ZNF85: variants seen among roughly 807,000 people sequenced by gnomAD.
ZNF85 encodes zinc finger protein 85 (HPF4, HTF1).
A neutral mutation model predicts 53.9 loss-of-function variants in ZNF85; 50 were observed. The ratio of observed to expected loss-of-function variants is 0.93; its 90% confidence interval spans 0.74 to 1.17. The LOEUF is 1.17. ZNF85 is among the 50% of genes most tolerant of loss of function. The probability of loss-of-function intolerance (pLI) is 0.00; values close to 1 mark genes in which losing one functional copy is unlikely to be tolerated. For missense variants in ZNF85, 747 were observed against 688.5 expected, an observed-to-expected ratio of 1.08 and a Z score of -0.95; for synonymous variants, 225 against 226.1, an observed-to-expected ratio of 1.00 and a Z score of 0.04.
intron 3 of ZNF85, chr19:20,942,806 T>G (rs1269066842): frequency 1.4e-6 from 1 of 699,802 alleles, no homozygotes. Context: ...CGCAGAATCT[T>G]ACTCTGTCAC....
rs1231073842 is a variant in ZNF85, at chr19:20,950,495, TTAGG to T, written c.*196_*199del. The T allele has an allele frequency of 1.5e-5, 7 of 458,958 alleles. No individual in the cohort carries two copies. In the Admixed American group the frequency reaches 1.5e-4, roughly 10 times the overall value. 28.4% of individuals were successfully genotyped at this position (458,958 alleles called of 1,614,324 possible). A position where few individuals can be genotyped will look rare whatever the true frequency, so the allele number is the denominator to read the frequency against. On this transcript the variant is annotated 3_prime_UTR_variant, in exon 4 of 4. Coordinates refer to ENST00000328178, the MANE Select transcript of ZNF85 (RefSeq NM_003429.5). Reference sequence around the variant, plus strand: ...AAAGTCTTTAAATGGTTGTCACACTTTAGGTAAGATAATTCATATTGGAACAAAC... The same window carrying T: ...AAAGTCTTTAAATGGTTGTCACACTTTAAGATAATTCATATTGGAACAAAC...
chr19:20,950,175 C>CT lies in ZNF85; in HGVS notation c.1662dup (p.Lys555Ter), dbSNP rs749583828. On this transcript the variant is annotated frameshift_variant, in exon 4 of 4. Transcript: ENST00000328178. LOFTEE classifies it high-confidence loss of function. The stretch of plus-strand genomic sequence containing the variant: ...GCCTTTAACCAGTCCTCAAACCTTA[C>CT]TAAACATAAGAGAATTCATACTGGA... The CT allele has an allele frequency of 1.9e-6, 3 of 1,613,238 alleles. No homozygotes were observed. The Admixed American group carries it at 5.0e-5, about 27-fold the overall frequency.
chr19:20,946,427 T>C (rs899808457), intron 3 of ZNF85: 16 of 342,434 alleles, frequency 4.7e-5, no homozygotes, highest in African/African-American at 1.1e-4. Flanking sequence ...ACCTGTTGCC[T>C]TCTAATATTC....
intron 3 of ZNF85, among the ~76,000 whole-genome samples, chr19:20,938,177 A>G (rs754687732): frequency 7.9e-5 from 12 of 152,094 alleles, no homozygotes; most frequent in Non-Finnish European, 1.6e-4. Flanking sequence ...TTAAGTGATT[A>G]TCGTGCCTCA....
In ZNF85 at chr19:20,949,354, T is replaced by C; in HGVS notation, c.840T>C (p.His280=). The C allele has an allele frequency of 6.2e-7, 1 of 1,609,506 alleles. No homozygotes were observed. Among genetic ancestry groups the C allele is most frequent in the Non-Finnish European group, 8.5e-7 (1 of 1,177,030 alleles). The change falls in exon 4 of 4, where the codon CAT becomes CAC. Residue 280 remains histidine (H), a synonymous_variant. Coordinates refer to ENST00000328178, the MANE Select transcript of ZNF85 (RefSeq NM_003429.5). ...CTCTTACTACCCATAAGATAATTCATACTGGAGAGAAACCCTACAAATGTA... is the reference window on the plus strand; with the variant it reads ...CTCTTACTACCCATAAGATAATTCACACTGGAGAGAAACCCTACAAATGTA... The part of the protein sequence containing the change: ...FSTLTTHKII[H]TGEKPYKCKE...
At chr19:20,938,954 C>G (rs12052100) in intron 3 of ZNF85, among the ~76,000 whole-genome samples, 1,809 of 151,938 alleles carry the variant, frequency 0.012, 34 homozygotes, top group African/African-American at 0.035. Flanking sequence ...GATTGCAGCA[C>G]TTTCATTTTG....
chr19:20,944,818 A>T (rs1220940726), intron 3 of ZNF85, among the ~76,000 whole-genome samples: 3 of 152,054 alleles, frequency 2.0e-5, no homozygotes, highest in Non-Finnish European at 2.9e-5. Flanking sequence ...ATTGTGTATG[A>T]AAATATTTAA....
intron 1 of ZNF85, among the ~76,000 whole-genome samples, chr19:20,932,807 T>A (rs1973055041): frequency 1.3e-5 from 2 of 152,092 alleles, no homozygotes; most frequent in Admixed American, 1.3e-4. Context: ...TAAAACTGAT[T>A]TTTTAATGTT....
chr19:20,944,442 TG>T (rs1358452964), intron 3 of ZNF85: 2 of 149,218 alleles, frequency 1.3e-5, no homozygotes, highest in Non-Finnish European at 3.0e-5. Flanking sequence ...ATTTTTATCT[TG>T]TTTTTGAAGT....
Position 20,948,942 on chromosome 19 carries a change from G to A in ZNF85, c.428G>A (p.Ser143Asn), listed in dbSNP as rs748571734. The change falls in exon 4 of 4, where the codon AGC becomes AAC. Residue 143 changes from serine to asparagine, a missense_variant. Transcript: ENST00000328178. ...AACCAATGTCTCACAGCTACCCAGA[G>A]CAAAATATTTCAATGTGATAAATAT... ...GLNQCLTATQSKIFQCDKYVK... is the reference protein window; with the variant it reads ...GLNQCLTATQNKIFQCDKYVK... 3.1e-6 allele frequency: 5 copies of A among 1,613,630 alleles called. No homozygotes were observed. The South Asian group carries it at 3.3e-5, about 11-fold the overall frequency.
intron 3 of ZNF85, among the ~76,000 whole-genome samples, chr19:20,940,359 A>T (rs758432860): frequency 2.6e-5 from 4 of 151,722 alleles, no homozygotes; most frequent in Non-Finnish European, 5.9e-5. Context: ...ACATATGGAG[A>T]CTCCTTCTCT....
At chr19:20,946,313 A>G (rs1246095008) in intron 3 of ZNF85, 1 of 418,612 alleles carries the variant, frequency 2.4e-6, no homozygotes, top group Non-Finnish European at 4.7e-6. Flanking sequence ...GTCTATCAAA[A>G]AGAATGTCGT....
chr19:20,934,521 G>A (rs1484025783), intron 2 of ZNF85, among the ~76,000 whole-genome samples: 1 of 152,132 alleles, frequency 6.6e-6, no homozygotes, highest in Non-Finnish European at 1.5e-5. Flanking sequence ...TGTAATCCCA[G>A]CACTTCGGGA....
intron 1 of ZNF85, among the ~76,000 whole-genome samples, chr19:20,933,192 C>CA (rs10532648): frequency 0.019 from 2,094 of 108,610 alleles, 48 homozygotes; most frequent in African/African-American, 0.06. Context: ...GACTCCGTCT[C>CA]AAAAAAAAAA....
intron 3 of ZNF85, chr19:20,944,232 C>T (rs1973369215): frequency 6.6e-6 from 1 of 151,130 alleles, no homozygotes; most frequent in Non-Finnish European, 1.5e-5. Flanking sequence ...TTTAGCCTTT[C>T]TTTTTTATTT....
At chr19:20,937,293 G>T in intron 3 of ZNF85, 1 of 455,384 alleles carries the variant, frequency 2.2e-6, no homozygotes, top group Non-Finnish European at 4.4e-6. Flanking sequence ...GCCTCCCAAA[G>T]TGCTTGGATT....
intron 1 of ZNF85, among the ~76,000 whole-genome samples, chr19:20,931,991 A>T (rs1313707624): frequency 6.6e-6 from 1 of 152,150 alleles, no homozygotes; most frequent in African/African-American, 2.4e-5. Flanking sequence ...AGTGAAACAT[A>T]TTTTGATACC....
intron 1 of ZNF85, among the ~76,000 whole-genome samples, chr19:20,925,697 T>C (rs1402957682): frequency 2.6e-5 from 4 of 152,130 alleles, no homozygotes; most frequent in Non-Finnish European, 5.9e-5. Context: ...AGGTTGGTCA[T>C]TGAGAACTTT....
chr19:20,926,301 G>T (rs1008728546), intron 1 of ZNF85, among the ~76,000 whole-genome samples: 1 of 152,086 alleles, frequency 6.6e-6, no homozygotes, highest in Admixed American at 6.6e-5. Flanking sequence ...TTTATGAGAT[G>T]AAACTTGGTA....
Sources: allele counts gnomAD v4.1 joint callset (sites outside exome capture counted in the v4.1 genomes callset), GRCh38; gene constraint gnomAD v4.1.1; transcripts MANE v1.5; gene names NCBI Gene and HGNC (gene_info 2026-07-23, HGNC 2026-07-21).